The following PJA2 variants were observed in gnomAD, a reference collection of about 807,000 sequenced individuals.
The protein encoded by PJA2 is E3 ubiquitin-protein ligase Praja-2.
In PJA2, 25 loss-of-function variants were observed where a neutral mutation model predicts 69.3. The observed-to-expected ratio is 0.36, with a 90% CI of 0.26 to 0.50. The LOEUF (loss-of-function observed/expected upper bound fraction) is 0.50. PJA2 is among the 20% of genes least tolerant of loss of function. The probability of loss-of-function intolerance (pLI) is 0.96; values close to 1 mark genes in which losing one functional copy is unlikely to be tolerated. For synonymous variants in PJA2, 308 were observed against 277.8 expected (o/e 1.11, Z -1.08); for missense variants, 809 against 830.2 (o/e 0.97, Z 0.31).
intron 1 of PJA2, among the ~76,000 whole-genome samples, chr5:109,394,051 T>C (rs898342424): frequency 7.0e-6 from 1 of 143,364 alleles, no homozygotes; most frequent in African/African-American, 2.5e-5. Flanking sequence ...TTTTTTTTTT[T>C]TTTTTTTTTT....
At chr5:109,398,303 G>A (rs955464340) in intron 1 of PJA2, among the ~76,000 whole-genome samples, 2 of 152,130 alleles carry the variant, frequency 1.3e-5, no homozygotes, top group Admixed American at 1.3e-4. Flanking sequence ...TATAAATCAT[G>A]CTGCTATAAA....
chr5:109,378,318 T>A lies in PJA2; in HGVS notation c.1169A>T (p.Glu390Val). The A allele has an allele frequency of 6.2e-7, 1 of 1,614,178 alleles. No individual in the cohort carries two copies. The highest frequency in any genetic ancestry group is 8.5e-7 in the Non-Finnish European group (1 of 1,180,012). Residue 390 changes from glutamate (E) to valine (V), a missense_variant, in exon 4 of 10, where the codon GAA (glutamate) becomes GTA (valine). Physicochemically the swap from Glu to Val is moderately radical, Grantham distance 121 (BLOSUM62 -2). This residue lies in a region of PJA2 where 700 missense variants were observed against 639.5 expected (regional missense o/e 1.09). Coordinates refer to ENST00000361189, the MANE Select transcript of PJA2 (RefSeq NM_014819.5). ...YSRVITQRET[E>V]NNQMTSESGA... Reference sequence around the variant, plus strand: ...ACTTTCTGATGTCATTTGGTTATTTTCTGTTTCCCTTTGTGTAATAACTCT... The same window carrying A: ...ACTTTCTGATGTCATTTGGTTATTTACTGTTTCCCTTTGTGTAATAACTCT...
intron 7 of PJA2, among the ~76,000 whole-genome samples, chr5:109,355,064 T>C (rs1762390754): frequency 6.6e-6 from 1 of 152,112 alleles, no homozygotes; most frequent in African/African-American, 2.4e-5. Flanking sequence ...TTCAGGGCTG[T>C]AGTAAGCTAT....
intron 1 of PJA2, among the ~76,000 whole-genome samples, chr5:109,397,100 G>A (rs923007000): frequency 2.6e-5 from 4 of 152,088 alleles, no homozygotes; most frequent in African/African-American, 7.2e-5. Context: ...AGCCCTTTTC[G>A]CTCTTTCATT....
chr5:109,379,758 C>T (rs1746996670), intron 3 of PJA2, among the ~76,000 whole-genome samples: 1 of 152,136 alleles, frequency 6.6e-6, no homozygotes, highest in Admixed American at 6.5e-5. Flanking sequence ...TGGCAATTCA[C>T]AAAATTATAT....
chr5:109,361,550 T>A (rs1762505800), intron 6 of PJA2, among the ~76,000 whole-genome samples: 1 of 152,192 alleles, frequency 6.6e-6, no homozygotes, highest in Non-Finnish European at 1.5e-5. Flanking sequence ...GAGGAATTAC[T>A]TTGCATAATG....
At chr5:109,353,743 GATT>G (rs1228245395) in intron 7 of PJA2, among the ~76,000 whole-genome samples, 1 of 102,732 alleles carries the variant, frequency 9.7e-6, no homozygotes, top group Non-Finnish European at 1.9e-5. Flanking sequence ...TAGATATCTA[GATT>G]AGATATCTAT....
At chr5:109,365,281 A>C (rs246104) in intron 5 of PJA2, among the ~76,000 whole-genome samples, 119,720 of 152,136 alleles carry the variant, frequency 0.79, 47,967 homozygotes, top group African/African-American at 0.92. Context: ...TTCTTAGAAT[A>C]TGTGACTTTA....
chr5:109,376,515 A>G (rs898207360), intron 4 of PJA2, among the ~76,000 whole-genome samples: 1 of 151,836 alleles, frequency 6.6e-6, no homozygotes, highest in Non-Finnish European at 1.5e-5. Context: ...CAACTTCATC[A>G]TAAGACATTA....
chr5:109,381,648 C>T lies in PJA2; in HGVS notation c.87G>A (p.Gln29=). The T allele has an allele frequency of 6.2e-7, 1 of 1,613,998 alleles. No homozygotes were observed. Among genetic ancestry groups the T allele is most frequent in the Non-Finnish European group, 8.5e-7 (1 of 1,180,000 alleles). ...AVWPKPAGGY[Q]TITGRRYGRR... ...TTCCATATCTCCTGCCTGTAATTGT[C>T]TGATACCCTCCTGCTGGTTTGGGCC... is the stretch of plus-strand genomic sequence containing the variant. The change falls in exon 3 of 10, where the codon CAG becomes CAA. Residue 29 remains glutamine (Q), a synonymous_variant. Coordinates refer to ENST00000361189, the MANE Select transcript of PJA2 (RefSeq NM_014819.5).
At chr5:109,401,560 C>A (rs1006636418) in intron 1 of PJA2, among the ~76,000 whole-genome samples, 1 of 152,164 alleles carries the variant, frequency 6.6e-6, no homozygotes, top group Non-Finnish European at 1.5e-5. Context: ...CAGCCAAATT[C>A]TTATTTGAAA....
Position 109,356,001 on chromosome 5 carries a change from G to C in PJA2, c.1678C>G (p.Leu560Val). ...TATGAAATAGCTTCAGCAACTCCTA[G>C]TCCATCTGCAAAGCCATCAAATAGG... ...WSLFDGFADG[L>V]GVAEAISYVD... Residue 560 changes from leucine to valine, a missense_variant, in exon 7 of 10, where the codon CTA becomes GTA. Around this residue, in one of 4 missense-constraint regions of PJA2, gnomAD observed 55 missense variants for 90.7 expected, o/e 0.61. Transcript: ENST00000361189. 2 of 1,611,546 alleles carry C rather than the reference G, an allele frequency of 1.2e-6. No individual in the cohort carries two copies. The highest frequency in any genetic ancestry group is 1.7e-6 in the Non-Finnish European group (2 of 1,179,284).
At position 109,337,162 on chromosome 5, in the gene PJA2, T is replaced by A; in HGVS notation, c.*69A>T. 1 of 1,434,716 alleles carries A rather than the reference T, an allele frequency of 7.0e-7. No individual in the cohort carries two copies. Among genetic ancestry groups the A allele is most frequent in the Non-Finnish European group, 9.5e-7 (1 of 1,054,870 alleles). 88.9% of individuals were successfully genotyped at this position (1,434,716 alleles called of 1,614,324 possible). A position where few individuals can be genotyped will look rare whatever the true frequency, so the allele number is the denominator to read the frequency against. ...TTAAATATATTTATATATAATTATT[T>A]GCACATGAAATTTAGAAGGAATTTG... On this transcript the variant is annotated 3_prime_UTR_variant, in exon 10 of 10. Coordinates refer to ENST00000361189, the MANE Select transcript of PJA2 (RefSeq NM_014819.5).
At chr5:109,350,590 G>T (rs114465097) in intron 7 of PJA2, among the ~76,000 whole-genome samples, 1 of 152,146 alleles carries the variant, frequency 6.6e-6, no homozygotes, top group East Asian at 1.9e-4. Flanking sequence ...TATTTACTGA[G>T]AGATTCCCAA....
chr5:109,381,431 C>A, intron 3 of PJA2, 72 bp downstream of exon 3: 2 of 1,300,410 alleles, frequency 1.5e-6, no homozygotes, highest in South Asian at 1.3e-5. Context: ...ATAATACCCA[C>A]CCAAAAATTT....
chr5:109,353,514 CTA>C (rs1293123437), intron 7 of PJA2, among the ~76,000 whole-genome samples: 10 of 83,616 alleles, frequency 1.2e-4, no homozygotes, highest in African/African-American at 2.8e-4. Flanking sequence ...CTATAGATAT[CTA>C]TATATTAGAT....
At chr5:109,396,195 T>A (rs1471084874) in intron 1 of PJA2, among the ~76,000 whole-genome samples, 1 of 152,090 alleles carries the variant, frequency 6.6e-6, no homozygotes, top group Admixed American at 6.6e-5. Flanking sequence ...ATTACTTCTA[T>A]TTTCATTAGT....
chr5:109,376,674 A>G (rs1746895496), intron 4 of PJA2, among the ~76,000 whole-genome samples: 1 of 152,142 alleles, frequency 6.6e-6, no homozygotes, highest in South Asian at 2.1e-4. Context: ...AAAAAAATAA[A>G]TTATCAAAGA....
Position 109,336,372 on chromosome 5 carries a change from G to A in PJA2, c.*859C>T, listed in dbSNP as rs1275830684. 1 of 152,092 alleles carries A rather than the reference G, an allele frequency of 6.6e-6. No individual in the cohort carries two copies. Among genetic ancestry groups the A allele is most frequent in the Non-Finnish European group, 1.5e-5 (1 of 68,008 alleles). 9.4% of individuals were successfully genotyped at this position (152,092 alleles called of 1,614,324 possible). ...TCAGACCTTCCAAAATACTGTAGAA[G>A]CAAAATTACCTTAAACTAACTATAA... is the stretch of plus-strand genomic sequence containing the variant. On this transcript the variant is annotated 3_prime_UTR_variant, in exon 10 of 10. Transcript: ENST00000361189.
Sources: allele counts gnomAD v4.1 joint callset (sites outside exome capture counted in the v4.1 genomes callset), GRCh38; gene constraint gnomAD v4.1.1; regional missense constraint gnomAD v4.1.1; transcripts MANE v1.5; gene names NCBI Gene and HGNC (gene_info 2026-07-23, HGNC 2026-07-21).